Variants in CACYBP observed in about 807,000 individuals in gnomAD.
The protein encoded by CACYBP is calcyclin binding protein, also known as calcyclin-binding protein.
A neutral mutation model predicts 29.6 loss-of-function variants in CACYBP; 11 were observed. That is an observed-to-expected ratio of 0.37 (90% CI 0.23 to 0.61). The LOEUF (loss-of-function observed/expected upper bound fraction) is 0.61, where lower values mean the gene tolerates loss of function less well. Among genes scored for constraint, CACYBP ranks in the 20% least tolerant of loss-of-function variants. CACYBP has a pLI of 0.65. For missense variants in CACYBP, 163 were observed against 260.7 expected (o/e 0.63, Z 2.58); for synonymous variants, 73 against 88.3 (o/e 0.83, Z 0.97).
intron 2 of CACYBP, 85 bp from the exon 3 acceptor site, chr1:175,006,660 C>G (rs777952135): frequency 1.1e-5 from 7 of 657,730 alleles, no homozygotes; most frequent in Non-Finnish European, 1.6e-5. Flanking sequence ...ATTTTACTTT[C>G]CTGACTTATG....
chr1:175,002,067 C>A (rs1442826156), intron 1 of CACYBP, among the ~76,000 whole-genome samples: 1 of 152,152 alleles, frequency 6.6e-6, no homozygotes, highest in African/African-American at 2.4e-5. Context: ...TCGTGACTAG[C>A]ATAAATAATG....
upstream of CACYBP, chr1:174,999,696 T>C (rs1314365785): frequency 4.1e-6 from 1 of 244,484 alleles, no homozygotes; most frequent in African/African-American, 2.4e-5. Flanking sequence ...ATCGGTACGT[T>C]ATTTCCGGGG....
rs915049676 is a variant in CACYBP, at chr1:175,000,082, C to T, written c.-99C>T. ...GCAGGCTGCAGCGCCGCGACTCGTGCGGGTAGGCGTCTGCGCTCGGTTTGA... is the reference window on the plus strand; with the variant it reads ...GCAGGCTGCAGCGCCGCGACTCGTGTGGGTAGGCGTCTGCGCTCGGTTTGA... On this transcript the variant is annotated 5_prime_UTR_variant, in exon 1 of 6. Coordinates refer to ENST00000367679, the MANE Select transcript of CACYBP (RefSeq NM_014412.3). The T allele has an allele frequency of 1.3e-6, 2 of 1,486,500 alleles. No individual in the cohort carries two copies. Among genetic ancestry groups the T allele is most frequent in the African/African-American group, 1.4e-5 (1 of 71,296 alleles). 92.1% of individuals were successfully genotyped at this position (1,486,500 alleles called of 1,614,324 possible). A position where few individuals can be genotyped will look rare whatever the true frequency, so the allele number is the denominator to read the frequency against.
intron 1 of CACYBP, chr1:175,000,703 T>A: frequency 1.5e-6 from 1 of 678,298 alleles, no homozygotes; most frequent in Non-Finnish European, 1.8e-6. Context: ...TGTGTCGCAG[T>A]AGCATCCATT....
intron 4 of CACYBP, among the ~76,000 whole-genome samples, chr1:175,008,321 G>C (rs1186963100): frequency 6.6e-6 from 1 of 151,994 alleles, no homozygotes; most frequent in Non-Finnish European, 1.5e-5. Flanking sequence ...GCTCAGATTT[G>C]CCTCAGAGAG....
chr1:175,000,072 G>C lies in CACYBP; in HGVS notation c.-109G>C. 6.9e-7 allele frequency: 1 copy of C among 1,447,504 alleles called. No homozygotes were observed. The highest frequency in any genetic ancestry group is 9.5e-7 in the Non-Finnish European group (1 of 1,054,048). The allele number at this position is 1,447,504 out of a possible 1,614,324, so 89.7% of individuals were successfully genotyped here. ...CGGTGTGGGCGCAGGCTGCAGCGCCGCGACTCGTGCGGGTAGGCGTCTGCG... is the reference window on the plus strand; with the variant it reads ...CGGTGTGGGCGCAGGCTGCAGCGCCCCGACTCGTGCGGGTAGGCGTCTGCG... On this transcript the variant is annotated 5_prime_UTR_variant, in exon 1 of 6. Transcript: ENST00000367679.
At position 175,000,042 on chromosome 1, in the gene CACYBP, A is replaced by C; in HGVS notation, c.-139A>C. The C allele has an allele frequency of 8.1e-7, 1 of 1,231,918 alleles. No individual in the cohort carries two copies. The highest frequency in any genetic ancestry group is 1.2e-6 in the Non-Finnish European group (1 of 864,312). The allele number at this position is 1,231,918 out of a possible 1,614,324, so 76.3% of individuals were successfully genotyped here. On this transcript the variant is annotated 5_prime_UTR_variant, in exon 1 of 6. Transcript: ENST00000367679. ...CGGGAGGCGGGCCGCGATCTTGCGC[A>C]GGGTCGGTGTGGGCGCAGGCTGCAG...
At chr1:174,999,442 G>A (rs1319245713), upstream of CACYBP, 1 of 152,782 alleles carries the variant, frequency 6.5e-6, no homozygotes, top group Admixed American at 6.5e-5. Flanking sequence ...GTTAGACCGC[G>A]GTGACGTCTC....
At position 175,011,989 on chromosome 1, in the gene CACYBP, A is replaced by C. The variant is rs1231313217; in HGVS notation, c.*1910A>C. 6.6e-6 allele frequency among the ~76,000 whole-genome samples: 1 copy of C among 152,184 alleles called. No individual in the cohort carries two copies. Among genetic ancestry groups the C allele is most frequent in the Non-Finnish European group, 1.5e-5 (1 of 68,022 alleles). ...CATGGTGGCAGATGCCTGTAACTCC[A>C]GCTACTCGGGAGACTGAAGGACAAG... is the stretch of plus-strand genomic sequence containing the variant. On this transcript the variant is annotated 3_prime_UTR_variant, in exon 6 of 6. Transcript: ENST00000367679.
At chr1:175,004,030 T>C (rs1672556647) in intron 1 of CACYBP, among the ~76,000 whole-genome samples, 1 of 152,202 alleles carries the variant, frequency 6.6e-6, no homozygotes, top group South Asian at 2.1e-4. Context: ...AGCAAGACTT[T>C]TCCTCAAAAG....
intron 5 of CACYBP, among the ~76,000 whole-genome samples, chr1:175,009,217 A>C (rs1672687349): frequency 6.6e-6 from 1 of 152,228 alleles, no homozygotes; most frequent in Non-Finnish European, 1.5e-5. Flanking sequence ...CTAATTAAAA[A>C]ATACATGAGC....
Position 175,011,705 on chromosome 1 carries a change from C to G in CACYBP, c.*1626C>G, listed in dbSNP as rs1672761318. 6.6e-6 allele frequency: 1 copy of G among 152,144 alleles called. No individual in the cohort carries two copies. The highest frequency in any genetic ancestry group is 1.5e-5 in the Non-Finnish European group (1 of 68,030). 9.4% of individuals were successfully genotyped at this position (152,144 alleles called of 1,614,324 possible). A position where few individuals can be genotyped will look rare whatever the true frequency, so the allele number is the denominator to read the frequency against. On this transcript the variant is annotated 3_prime_UTR_variant, in exon 6 of 6. Coordinates refer to ENST00000367679, the MANE Select transcript of CACYBP (RefSeq NM_014412.3). ...AGAAGAGAATAAACCAGTGTTTTTA[C>G]CTTTCACTTGAAAAAGAAGTATAAA...
In CACYBP at chr1:175,004,769, T is replaced by C; in HGVS notation, c.171T>C (p.Asn57=). ...AGAAGAAAGCAGAACTTCTTGATAATGAAAAACCAGCTGCTGTGGTTGCTC... is the reference window on the plus strand; with the variant it reads ...AGAAGAAAGCAGAACTTCTTGATAACGAAAAACCAGCTGCTGTGGTTGCTC... ...KSQKKAELLD[N]EKPAAVVAPI... Residue 57 remains asparagine, a synonymous_variant, in exon 2 of 6, where the codon AAT becomes AAC. Coordinates refer to ENST00000367679, the MANE Select transcript of CACYBP (RefSeq NM_014412.3). 6.2e-7 allele frequency: 1 copy of C among 1,613,986 alleles called. No individual in the cohort carries two copies. The highest frequency in any genetic ancestry group is 8.5e-7 in the Non-Finnish European group (1 of 1,179,868).
intron 4 of CACYBP, among the ~76,000 whole-genome samples, chr1:175,008,276 C>A (rs1403927558): frequency 6.6e-6 from 1 of 152,132 alleles, no homozygotes; most frequent in Non-Finnish European, 1.5e-5. Context: ...ATTCTGCATG[C>A]TCTGCCAACT....
intron 3 of CACYBP, 118 bp from the exon 4 acceptor site, chr1:175,006,980 T>C: frequency 1.2e-6 from 1 of 853,282 alleles, no homozygotes; most frequent in East Asian, 2.5e-5. Flanking sequence ...GAGGTGAGCG[T>C]TAACTGGCCA....
intron 5 of CACYBP, among the ~76,000 whole-genome samples, 183 bp from the exon 6 acceptor site, chr1:175,009,740 T>C (rs535500436): frequency 6.6e-6 from 1 of 151,868 alleles, no homozygotes; most frequent in African/African-American, 2.4e-5. Context: ...AGTGTGTGCA[T>C]GCTTGATACG....
At chr1:175,005,768 C>T (rs1574109208) in intron 2 of CACYBP, among the ~76,000 whole-genome samples, 2 of 152,274 alleles carry the variant, frequency 1.3e-5, no homozygotes, top group Admixed American at 6.5e-5. Flanking sequence ...TAACCAGGAA[C>T]ATAGATTTGT....
At chr1:175,001,120 A>G (rs959295434) in intron 1 of CACYBP, among the ~76,000 whole-genome samples, 3 of 152,214 alleles carry the variant, frequency 2.0e-5, no homozygotes, top group African/African-American at 4.8e-5. Flanking sequence ...AAGAAAAACT[A>G]TGAGGTTTGT....
chr1:175,009,621 G>A (rs1443261258), intron 5 of CACYBP, among the ~76,000 whole-genome samples: 1 of 146,936 alleles, frequency 6.8e-6, no homozygotes, highest in Non-Finnish European at 1.5e-5. Flanking sequence ...ACTCCAGCCT[G>A]GGCAACAGAG....
Sources: allele counts gnomAD v4.1 joint callset (sites outside exome capture counted in the v4.1 genomes callset), GRCh38; gene constraint gnomAD v4.1.1; transcripts MANE v1.5; gene names NCBI Gene and HGNC (gene_info 2026-07-23, HGNC 2026-07-21).